Variants in POU6F2 observed in about 807,000 individuals in gnomAD.
The protein encoded by POU6F2 is POU class 6 homeobox 2.
Under a neutral mutation model 71.3 loss-of-function variants are expected in POU6F2, and 31 were observed. The observed-to-expected ratio is 0.43, with a 90% CI of 0.33 to 0.59. The LOEUF (loss-of-function observed/expected upper bound fraction) is 0.59. Ranked by LOEUF, POU6F2 falls within the 20% of genes least tolerant of loss-of-function variation. The pLI is 0.04. For missense variants in POU6F2, 783 were observed against 856.8 expected (o/e 0.91, Z 1.07); for synonymous variants, 347 against 355.7 (o/e 0.98, Z 0.27).
intron 1 of POU6F2, chr7:39,006,865 C>T: frequency 6.2e-7 from 1 of 1,613,530 alleles, no homozygotes; most frequent in Non-Finnish European, 8.5e-7. Flanking sequence ...TGCTCTTCTT[C>T]AGGTATTTTG....
In POU6F2 at chr7:39,006,837, G is replaced by A. The variant is rs199780108; in HGVS notation, c.105+28779G>A. On this transcript the variant is annotated intron_variant, in intron 1 of 9. Transcript: ENST00000518318. The stretch of plus-strand genomic sequence containing the variant: ...AAAGAATGTTCTTATAATGATCCAA[G>A]AGGAAGTGGCAAATGAGTGCTCTTC... The A allele has an allele frequency of 1.1e-3, 1,736 of 1,613,612 alleles. 2 individuals carry two copies. The highest frequency in any genetic ancestry group is 1.2e-3 in the Non-Finnish European group (1,462 of 1,179,616).
chr7:39,274,595 CA>C (rs1309218299), intron 4 of POU6F2, among the ~76,000 whole-genome samples: 1 of 130,018 alleles, frequency 7.7e-6, no homozygotes, highest in Non-Finnish European at 1.6e-5. Context: ...GAGACACAAC[CA>C]AAAAAGAGAA....
At chr7:39,406,882 G>A (rs766195468) in intron 6 of POU6F2, 142 bp downstream of exon 6, 1 of 1,214,194 alleles carries the variant, frequency 8.2e-7, no homozygotes, top group South Asian at 1.3e-5. Flanking sequence ...GTCAAGAATA[G>A]GAGAAGGGTT....
chr7:39,249,698 CA>C (rs372021156), intron 4 of POU6F2, among the ~76,000 whole-genome samples: 2 of 152,156 alleles, frequency 1.3e-5, no homozygotes, highest in African/African-American at 2.4e-5. Flanking sequence ...TAATTGTTAT[CA>C]AAAAATAATC....
intron 4 of POU6F2, among the ~76,000 whole-genome samples, chr7:39,247,647 A>G (rs11762823): frequency 0.13 from 19,745 of 152,146 alleles, 1,302 homozygotes; most frequent in African/African-American, 0.16. Context: ...TAGTCACTGA[A>G]GTATCAGCCC....
At chr7:39,439,264 G>C (rs972246555) in intron 7 of POU6F2, among the ~76,000 whole-genome samples, 1 of 151,826 alleles carries the variant, frequency 6.6e-6, no homozygotes, top group African/African-American at 2.4e-5. Context: ...TTGCACATGA[G>C]ATGGGTCTCC....
intron 2 of POU6F2, among the ~76,000 whole-genome samples, chr7:39,171,087 A>G (rs1793211555): frequency 7.1e-6 from 1 of 141,218 alleles, no homozygotes; most frequent in African/African-American, 2.7e-5. Flanking sequence ...GGTTTGTTAC[A>G]TAGGCATACA....
chr7:38,990,902 A>G (rs952108014), intron 1 of POU6F2, among the ~76,000 whole-genome samples: 2 of 152,142 alleles, frequency 1.3e-5, no homozygotes, highest in African/African-American at 4.8e-5. Flanking sequence ...AACACAGTAG[A>G]CAAGGATACG....
At chr7:39,203,991 C>CA (rs1793957141) in intron 2 of POU6F2, among the ~76,000 whole-genome samples, 1 of 152,140 alleles carries the variant, frequency 6.6e-6, no homozygotes, top group African/African-American at 2.4e-5. Flanking sequence ...CCCACACATA[C>CA]AACACACTGG....
chr7:39,004,909 A>G (rs1314733267), intron 1 of POU6F2, among the ~76,000 whole-genome samples: 1 of 152,210 alleles, frequency 6.6e-6, no homozygotes, highest in Non-Finnish European at 1.5e-5. Flanking sequence ...GTGAAAAGAC[A>G]CAATGGCCAG....
chr7:39,168,387 G>A (rs902426207), intron 2 of POU6F2, among the ~76,000 whole-genome samples: 6 of 152,106 alleles, frequency 3.9e-5, no homozygotes, highest in Non-Finnish European at 5.9e-5. Context: ...TGTTGATTCT[G>A]GAAAACAGCT....
chr7:39,075,076 T>G (rs1790970709), intron 1 of POU6F2, among the ~76,000 whole-genome samples: 1 of 152,102 alleles, frequency 6.6e-6, no homozygotes, highest in South Asian at 2.1e-4. Flanking sequence ...TGTGGGGCTG[T>G]TCGAGGTCGC....
At chr7:39,309,246 C>T (rs1003785037) in intron 4 of POU6F2, among the ~76,000 whole-genome samples, 3 of 152,294 alleles carry the variant, frequency 2.0e-5, no homozygotes, top group South Asian at 2.1e-4. Flanking sequence ...GAAGCAACGC[C>T]GGAGCCTCCA....
chr7:39,070,464 T>C lies in POU6F2; in HGVS notation c.106-15396T>C, dbSNP rs186601278. Among the ~76,000 whole-genome samples, 76 of 152,140 alleles carry C rather than the reference T, an allele frequency of 5.0e-4. No individual in the cohort carries two copies. In the East Asian group the frequency reaches 0.013, roughly 26 times the overall value. ...AGGCACATCAGACCTTGTCATGCCT[T>C]GCCCAAAACCCTCAAGTGGTTTTCT... On this transcript the variant is annotated intron_variant, in intron 1 of 9. Coordinates refer to ENST00000518318, the MANE Select transcript of POU6F2 (RefSeq NM_001370959.1).
At chr7:39,152,873 G>A (rs1471507486) in intron 2 of POU6F2, among the ~76,000 whole-genome samples, 1 of 152,190 alleles carries the variant, frequency 6.6e-6, no homozygotes, top group Non-Finnish European at 1.5e-5. Context: ...TTGATAAAAT[G>A]TATCTTTCAA....
intron 4 of POU6F2, among the ~76,000 whole-genome samples, chr7:39,226,398 G>A (rs1275006214): frequency 6.6e-6 from 1 of 152,052 alleles, no homozygotes; most frequent in Non-Finnish European, 1.5e-5. Context: ...ACTTTTTTCA[G>A]CTACTGTTGT....
intron 5 of POU6F2, among the ~76,000 whole-genome samples, chr7:39,386,898 G>A (rs1458165260): frequency 6.6e-6 from 1 of 152,196 alleles, no homozygotes; most frequent in East Asian, 1.9e-4. Flanking sequence ...AATAGTCAAT[G>A]TCGTGCTCCC....
chr7:39,414,104 C>T (rs1468142984), intron 6 of POU6F2, among the ~76,000 whole-genome samples: 3 of 152,208 alleles, frequency 2.0e-5, no homozygotes, highest in South Asian at 4.1e-4. Flanking sequence ...TATTCCCCAA[C>T]CGAACACTTC....
At chr7:39,006,814 AG>A (rs1256996794) in intron 1 of POU6F2, 1 of 1,611,966 alleles carries the variant, frequency 6.2e-7, no homozygotes. Context: ...AGATGCTGAA[AG>A]AATGTTCTTA....
Sources: gnomAD v4.1 joint callset for allele counts (sites outside exome capture counted in the v4.1 genomes callset) on GRCh38, gnomAD v4.1.1 for gene constraint, MANE v1.5 for transcripts, NCBI Gene and HGNC (gene_info 2026-07-23, HGNC 2026-07-21) for gene names.